Variants in VCL observed in about 807,000 individuals in gnomAD.
The protein encoded by VCL is epididymis luminal protein 114.
Under a neutral mutation model 125.7 loss-of-function variants are expected in VCL, and 47 were observed. The observed-to-expected ratio is 0.37, with a 90% CI of 0.30 to 0.48. The LOEUF (loss-of-function observed/expected upper bound fraction) is 0.48. VCL is among the 20% of genes least tolerant of loss of function. VCL has a pLI of 0.99. For synonymous variants in VCL, 458 were observed against 514.6 expected, an observed-to-expected ratio of 0.89 and a Z score of 1.49; for missense variants, 1,069 against 1,455.5, an observed-to-expected ratio of 0.73 and a Z score of 4.32.
At chr10:74,115,420 G>A (rs555412589) in intron 21 of VCL, among the ~76,000 whole-genome samples, 126 of 146,892 alleles carry the variant, frequency 8.6e-4, no homozygotes, top group African/African-American at 2.7e-3. Flanking sequence ...AAATAAATAA[G>A]TAAATAAAAG....
At chr10:74,104,110 C>A (rs1433233597) in intron 15 of VCL, among the ~76,000 whole-genome samples, 182 bp downstream of exon 15, 2 of 152,184 alleles carry the variant, frequency 1.3e-5, no homozygotes, top group African/African-American at 4.8e-5. Context: ...AGCCTTGCAA[C>A]TTTGTCAGAA....
chr10:74,015,105 G>A (rs1840513214), intron 1 of VCL, among the ~76,000 whole-genome samples: 3 of 152,206 alleles, frequency 2.0e-5, no homozygotes, highest in Non-Finnish European at 4.4e-5. Context: ...GAGTAATAGA[G>A]TTGAAAAGTG....
intron 14 of VCL, 115 bp downstream of exon 14, chr10:74,101,212 C>T (rs1026382896): frequency 7.1e-7 from 1 of 1,412,204 alleles, no homozygotes; most frequent in Non-Finnish European, 9.7e-7. Context: ...ATATACAGGC[C>T]AGCACGGTAG....
intron 1 of VCL, among the ~76,000 whole-genome samples, chr10:74,028,393 C>CTTTTTT (rs1159824812): frequency 8.2e-6 from 1 of 121,768 alleles, no homozygotes; most frequent in Non-Finnish European, 1.7e-5. Context: ...CTTAAGTAAT[C>CTTTTTT]TTTTTTTTTT....
At chr10:74,104,132 T>A (rs1175151965) in intron 15 of VCL, among the ~76,000 whole-genome samples, 1 of 152,204 alleles carries the variant, frequency 6.6e-6, no homozygotes, top group African/African-American at 2.4e-5. Context: ...AGAGACTCTT[T>A]GAGTCTCTTT....
chr10:74,080,369 A>T (rs547072546), intron 6 of VCL, among the ~76,000 whole-genome samples: 2 of 152,320 alleles, frequency 1.3e-5, no homozygotes, highest in East Asian at 3.9e-4. Context: ...CAAACCTGAG[A>T]TCAAATTAGG....
At chr10:74,110,785 C>T (rs1415056438) in intron 18 of VCL, among the ~76,000 whole-genome samples, 2 of 152,132 alleles carry the variant, frequency 1.3e-5, no homozygotes, top group African/African-American at 2.4e-5. Flanking sequence ...ATGTAAAGAA[C>T]CTGTATTCAT....
Position 74,118,263 on chromosome 10 carries a change from A to C in VCL, c.*94A>C, listed in dbSNP as rs1428522970. On this transcript the variant is annotated 3_prime_UTR_variant, in exon 22 of 22. Coordinates refer to ENST00000211998, the MANE Select transcript of VCL (RefSeq NM_014000.3). ...AGCTGCCCAGAGTTGCTGGGAGCTG[A>C]AAAATCACATCCTGGCCTGGCACAT... 1 of 1,514,344 alleles carries C rather than the reference A, an allele frequency of 6.6e-7. No individual in the cohort carries two copies. Among genetic ancestry groups the C allele is most frequent in the African/African-American group, 1.4e-5 (1 of 72,790 alleles). 93.8% of individuals were successfully genotyped at this position (1,514,344 alleles called of 1,614,324 possible). A position where few individuals can be genotyped will look rare whatever the true frequency, so the allele number is the denominator to read the frequency against.
intron 13 of VCL, among the ~76,000 whole-genome samples, chr10:74,098,693 C>G (rs80215722): frequency 6.6e-6 from 1 of 152,202 alleles, no homozygotes; most frequent in Admixed American, 6.5e-5. Context: ...GTACCCAAGA[C>G]AGTGTAGAAC....
At position 74,024,863 on chromosome 10, in the gene VCL, A is replaced by G. The variant is rs144041120; in HGVS notation, c.169-18220A>G. On this transcript the variant is annotated intron_variant, in intron 1 of 21. Coordinates refer to ENST00000211998, the MANE Select transcript of VCL (RefSeq NM_014000.3). ...GGAAGAACCAGGACAATGGGACATC[A>G]GTTGGTTAGACTGCATCTTGATGGT... 6.1e-3 allele frequency among the ~76,000 whole-genome samples: 927 copies of G among 152,320 alleles called. 10 individuals carry two copies. Among genetic ancestry groups the G allele is most frequent in the Non-Finnish European group, 9.5e-3 (648 of 68,022 alleles).
chr10:74,012,643 A>G (rs1840456292), intron 1 of VCL, among the ~76,000 whole-genome samples: 5 of 152,154 alleles, frequency 3.3e-5, no homozygotes, highest in Admixed American at 2.0e-4. Context: ...GCAGATCGAG[A>G]CTGGTATGGT....
At chr10:74,053,704 G>A (rs1167969547) in intron 2 of VCL, among the ~76,000 whole-genome samples, 6 of 151,818 alleles carry the variant, frequency 4.0e-5, no homozygotes, top group Non-Finnish European at 5.9e-5. Flanking sequence ...TCTCCCTCCC[G>A]GGTTCAAGCG....
chr10:74,038,101 A>G (rs1330267209), intron 1 of VCL, among the ~76,000 whole-genome samples: 5 of 151,530 alleles, frequency 3.3e-5, no homozygotes, highest in African/African-American at 1.2e-4. Context: ...AGGTTCAAGC[A>G]ATTTTCCTGC....
At chr10:74,004,471 C>G (rs2136222388) in intron 1 of VCL, among the ~76,000 whole-genome samples, 1 of 152,238 alleles carries the variant, frequency 6.6e-6, no homozygotes, top group African/African-American at 2.4e-5. Flanking sequence ...TTTCACACCA[C>G]CATTCCACAT....
chr10:74,083,591 C>A (rs1839715602), intron 8 of VCL, 78 bp downstream of exon 8: 1 of 1,564,830 alleles, frequency 6.4e-7, no homozygotes, highest in Non-Finnish European at 8.7e-7. Context: ...CAAGCCTCTG[C>A]CAGTTTTGAG....
At chr10:74,038,476 T>C (rs1841029700) in intron 1 of VCL, among the ~76,000 whole-genome samples, 1 of 152,260 alleles carries the variant, frequency 6.6e-6, no homozygotes, top group Admixed American at 6.5e-5. Context: ...TTATGTGTTG[T>C]ACCTTAAAAA....
intron 1 of VCL, among the ~76,000 whole-genome samples, chr10:74,035,411 T>C (rs920007885): frequency 6.6e-6 from 1 of 152,142 alleles, no homozygotes. Context: ...ACAAAGGATA[T>C]TTAAATTAAC....
chr10:74,104,964 C>G, intron 15 of VCL, 87 bp from the exon 16 acceptor site: 1 of 1,435,692 alleles, frequency 7.0e-7, no homozygotes. Flanking sequence ...GTTATACTTT[C>G]TCATGAGAAG....
intron 12 of VCL, among the ~76,000 whole-genome samples, chr10:74,096,709 C>T (rs1839975260): frequency 6.6e-6 from 1 of 152,168 alleles, no homozygotes; most frequent in African/African-American, 2.4e-5. Context: ...TTCTAGAAAA[C>T]TTAATTGAAA....
Sources: allele counts gnomAD v4.1 joint callset (sites outside exome capture counted in the v4.1 genomes callset), GRCh38; gene constraint gnomAD v4.1.1; transcripts MANE v1.5; gene names NCBI Gene and HGNC (gene_info 2026-07-23, HGNC 2026-07-21).